ACLY: variants seen among roughly 807,000 people sequenced by gnomAD.
ACLY encodes ATP-citrate synthase.
A neutral mutation model predicts 133.0 loss-of-function variants in ACLY; 41 were observed. The ratio of observed to expected loss-of-function variants is 0.31; its 90% confidence interval spans 0.24 to 0.40. ACLY has a LOEUF of 0.40. Ranked by LOEUF, ACLY falls within the 10% of genes least tolerant of loss-of-function variation. ACLY has a pLI of 1.00. For missense variants in ACLY, 1,046 were observed against 1,453.8 expected (o/e 0.72, Z 4.56); for synonymous variants, 495 against 549.3 (o/e 0.90, Z 1.38).
intron 10 of ACLY, among the ~76,000 whole-genome samples, chr17:41,904,048 C>T (rs1555632099): frequency 1.3e-5 from 2 of 151,072 alleles, no homozygotes; most frequent in Non-Finnish European, 2.9e-5. Context: ...ACCCAGGAGG[C>T]AGAGGCTGTA....
intron 28 of ACLY, among the ~76,000 whole-genome samples, chr17:41,868,463 G>C (rs1157969428): frequency 6.7e-6 from 1 of 149,210 alleles, no homozygotes; most frequent in African/African-American, 2.5e-5. Flanking sequence ...ATTTTCCTGG[G>C]CTAGCAATCA....
rs1555630434 is a variant in ACLY at position 41,896,604 on chromosome 17, G to A, written c.1459+16C>T. ...AAAGCCACACGCGGAGTGGGGGCAG[G>A]GTGGGGGCATCCTACCTTGCAGGGA... On this transcript the variant is annotated intron_variant, in intron 14 of 28. Transcript: ENST00000352035. The A allele has an allele frequency of 1.3e-6, 2 of 1,554,844 alleles. No individual in the cohort carries two copies. The highest frequency in any genetic ancestry group is 1.9e-5 in the Admixed American group (1 of 51,584).
intron 5 of ACLY, 127 bp from the exon 6 acceptor site, chr17:41,909,195 C>G: frequency 1.3e-6 from 1 of 748,152 alleles, no homozygotes; most frequent in African/African-American, 1.7e-5. Context: ...CCCACTGGCC[C>G]TTCCATCTCC....
intron 11 of ACLY, among the ~76,000 whole-genome samples, chr17:41,900,069 C>CAAAAAAAAAA (rs60296550): frequency 1.7e-4 from 8 of 46,626 alleles, no homozygotes; most frequent in Non-Finnish European, 2.1e-4. Flanking sequence ...ACCCTGTCTC[C>CAAAAAAAAAA]AAAAAAAAAA....
intron 17 of ACLY, among the ~76,000 whole-genome samples, chr17:41,887,346 G>A (rs1344487451): frequency 6.6e-6 from 1 of 151,908 alleles, no homozygotes; most frequent in African/African-American, 2.4e-5. Flanking sequence ...GGCTGAGACA[G>A]GAGAATCACT....
chr17:41,886,213 C>T lies in ACLY; in HGVS notation c.1971G>A (p.Val657=). The change falls in exon 18 of 29, where the codon GTG becomes GTA. Residue 657 remains valine (V), a synonymous_variant. Transcript: ENST00000352035. ...LASKLYRPGS[V]AYVSRSGGMS... ...TGCCTCCGGAACGTGAGACATAGGC[C>T]ACGCTGCCTGGGCGGTACAGTTTGG... The T allele has an allele frequency of 6.2e-7, 1 of 1,614,202 alleles. No individual in the cohort carries two copies. Among genetic ancestry groups the T allele is most frequent in the Non-Finnish European group, 8.5e-7 (1 of 1,180,028 alleles).
chr17:41,917,103 T>C (rs1392649880), intron 1 of ACLY, among the ~76,000 whole-genome samples: 10 of 124,108 alleles, frequency 8.1e-5, no homozygotes, highest in African/African-American at 2.9e-4. Flanking sequence ...ACCACTGCAC[T>C]CCAGCCTGCC....
intron 18 of ACLY, among the ~76,000 whole-genome samples, chr17:41,885,562 G>A (rs937156426): frequency 2.0e-5 from 3 of 152,144 alleles, no homozygotes; most frequent in Non-Finnish European, 4.4e-5. Flanking sequence ...CAAAAATAAT[G>A]AGGATACTAT....
chr17:41,902,953 A>G (rs1252157177), intron 10 of ACLY, among the ~76,000 whole-genome samples: 1 of 151,864 alleles, frequency 6.6e-6, no homozygotes, highest in Non-Finnish European at 1.5e-5. Flanking sequence ...CAACCCACTA[A>G]TTTTTTTTAA....
In ACLY at chr17:41,912,567, AGAGT is replaced by A; in HGVS notation, c.160-29_160-26del. The A allele has an allele frequency of 2.5e-6, 4 of 1,613,830 alleles. No individual in the cohort carries two copies. In the South Asian group the frequency reaches 4.4e-5, roughly 18 times the overall value. On this transcript the variant is annotated intron_variant, in intron 2 of 28. Transcript: ENST00000352035. The stretch of plus-strand genomic sequence containing the variant: ...TCTGGAACAAAAGCGGTTTGTATTT[AGAGT>A]GAGGAAGAATTAGATAAACCGTAGT...
intron 1 of ACLY, among the ~76,000 whole-genome samples, chr17:41,917,652 GTATT>G (rs1314604905): frequency 4.6e-5 from 7 of 152,198 alleles, no homozygotes; most frequent in Non-Finnish European, 8.8e-5. Context: ...ACGTATGTAG[GTATT>G]TATTTATTTA....
At position 41,913,792 on chromosome 17, in the gene ACLY, G is replaced by A. The variant is rs1555634052; in HGVS notation, c.82C>T (p.Arg28Trp). Reference protein sequence around the residue: ...FICTTSAIQNRFKYARVTPDT... With the variant: ...FICTTSAIQNWFKYARVTPDT... ...GGAGTGACCCGAGCATACTTGAACCGATTCTGGATGGCTGAGGTGGTACAG... is the reference window on the plus strand; with the variant it reads ...GGAGTGACCCGAGCATACTTGAACCAATTCTGGATGGCTGAGGTGGTACAG... The change falls in exon 2 of 29, where the codon CGG becomes TGG. Residue 28 changes from arginine to tryptophan, a missense_variant. Transcript: ENST00000352035. The A allele has an allele frequency of 5.6e-6, 9 of 1,614,238 alleles. No individual in the cohort carries two copies. The highest frequency in any genetic ancestry group is 4.4e-5 in the South Asian group (4 of 91,082).
intron 11 of ACLY, among the ~76,000 whole-genome samples, chr17:41,899,764 A>G (rs2049475035): frequency 6.6e-6 from 1 of 152,062 alleles, no homozygotes; most frequent in Non-Finnish European, 1.5e-5. Context: ...TCTATTAAAA[A>G]GAAAACAAAA....
intron 27 of ACLY, 93 bp from the exon 28 acceptor site, chr17:41,868,878 A>G: frequency 7.1e-7 from 1 of 1,417,276 alleles, no homozygotes; most frequent in Non-Finnish European, 1.0e-6. Context: ...ATGAGAAGAA[A>G]AGGGGTGCTC....
Position 41,873,794 on chromosome 17 carries a change from CT to C in ACLY, c.2642+16del. The C allele has an allele frequency of 6.5e-7, 1 of 1,543,260 alleles. No homozygotes were observed. Among genetic ancestry groups the C allele is most frequent in the Non-Finnish European group, 8.8e-7 (1 of 1,138,720 alleles). On this transcript the variant is annotated intron_variant, in intron 23 of 28. Coordinates refer to ENST00000352035, the MANE Select transcript of ACLY (RefSeq NM_001096.3). ...CTGAGCTGCAGGGCCCTGTAATCTT[CT>C]GCCCTCCATGCTCACCTTTTCTGGA...
chr17:41,926,392 C>T (rs2050244129), intron 1 of ACLY, among the ~76,000 whole-genome samples: 1 of 152,254 alleles, frequency 6.6e-6, no homozygotes. Flanking sequence ...CAGGAAACCA[C>T]TGACTGGCTC....
rs782057672 is a variant in ACLY, at chr17:41,872,050, G to C, written c.2775C>G (p.Thr925=). The C allele has an allele frequency of 5.0e-6, 8 of 1,613,866 alleles. No homozygotes were observed. The highest frequency in any genetic ancestry group is 1.7e-5 in the Admixed American group (1 of 59,972). The change falls in exon 24 of 29, where the codon ACC becomes ACG. Residue 925 remains threonine, a synonymous_variant. Transcript: ENST00000352035. ...RAGKDLVSSL[T]SGLLTIGDRF... ...TACTTACGATGGTGAGCAGCCCCGA[G>C]GTGAGGCTGGAGACCAGGTCTTTCC...
intron 23 of ACLY, among the ~76,000 whole-genome samples, chr17:41,873,108 A>G (rs2048640273): frequency 1.3e-5 from 2 of 152,036 alleles, no homozygotes; most frequent in African/African-American, 4.8e-5. Flanking sequence ...GGAGTTGCAG[A>G]GAAAACCAAT....
At chr17:41,915,946 G>C (rs1207918388) in intron 1 of ACLY, among the ~76,000 whole-genome samples, 1 of 152,128 alleles carries the variant, frequency 6.6e-6, no homozygotes, top group South Asian at 2.1e-4. Flanking sequence ...CTCTCTAGAA[G>C]AAAGAAGTCT....
Sources: allele counts gnomAD v4.1 joint callset (sites outside exome capture counted in the v4.1 genomes callset), GRCh38; gene constraint gnomAD v4.1.1; transcripts MANE v1.5; gene names NCBI Gene and HGNC (gene_info 2026-07-23, HGNC 2026-07-21).